Variants in RLN2 observed in about 807,000 individuals in gnomAD.
RLN2 encodes prorelaxin H2.
Under a neutral mutation model 7.3 loss-of-function variants are expected in RLN2, and 10 were observed. The observed-to-expected ratio is 1.36, with a 90% CI of 0.84 to 2.31. RLN2 has a LOEUF of 2.31. Among genes scored for constraint, RLN2 ranks in the 30% most tolerant of loss-of-function variants. The probability of loss-of-function intolerance (pLI) is 0.00; values close to 1 mark genes in which losing one functional copy is unlikely to be tolerated. For missense variants in RLN2, 298 were observed against 217.6 expected (o/e 1.37, Z -2.32); for synonymous variants, 103 against 82.3 (o/e 1.25, Z -1.36).
At chr9:5,322,399 ATAG>A in the RLN2 span, among the ~76,000 whole-genome samples, 1 of 152,054 alleles carries the variant, frequency 6.6e-6, no homozygotes, top group Non-Finnish European at 1.5e-5. Flanking sequence ...AAAGTATTTA[ATAG>A]TTACTGAACT....
chr9:5,317,612 T>C, the RLN2 span, among the ~76,000 whole-genome samples: 1 of 151,576 alleles, frequency 6.6e-6, no homozygotes, highest in African/African-American at 2.4e-5. Context: ...CAAAAGATGG[T>C]ATTAAATTGA....
the RLN2 span, among the ~76,000 whole-genome samples, chr9:5,337,695 C>T: frequency 6.6e-6 from 1 of 151,962 alleles, no homozygotes; most frequent in African/African-American, 2.4e-5. Context: ...TAACGGTAAA[C>T]ATTTATCTTA....
chr9:5,318,007 C>CGTGTGTGTGTGTGTGTGT, the RLN2 span, among the ~76,000 whole-genome samples: 3,388 of 148,032 alleles, frequency 0.023, 136 homozygotes, highest in African/African-American at 0.07. Flanking sequence ...TGTGTGTGTG[C>CGTGTGTGTGTGTGTGTGT]GTGTGTGTGT....
the RLN2 span, among the ~76,000 whole-genome samples, chr9:5,325,793 T>C: frequency 6.6e-6 from 1 of 152,108 alleles, no homozygotes; most frequent in Non-Finnish European, 1.5e-5. Flanking sequence ...ACAAGGGTTG[T>C]AGTTCTATAA....
chr9:5,311,800 C>T, the RLN2 span: 5 of 693,034 alleles, frequency 7.2e-6, no homozygotes, highest in African/African-American at 1.9e-5. Context: ...TATAAAAATG[C>T]AGAATTTTTT....
At chr9:5,324,609 G>A in the RLN2 span, among the ~76,000 whole-genome samples, 20 of 151,872 alleles carry the variant, frequency 1.3e-4, no homozygotes, top group Admixed American at 1.2e-3. Context: ...CAGATTCAAA[G>A]ATAACACAAA....
chr9:5,337,845 A>T, the RLN2 span, among the ~76,000 whole-genome samples: 1 of 152,082 alleles, frequency 6.6e-6, no homozygotes, highest in Non-Finnish European at 1.5e-5. Context: ...ATCTATATAC[A>T]AATGTGATTA....
At chr9:5,327,519 A>G in the RLN2 span, among the ~76,000 whole-genome samples, 14 of 152,050 alleles carry the variant, frequency 9.2e-5, no homozygotes, top group Admixed American at 2.6e-4. Context: ...GCAGACTTAA[A>G]CGTCCCTGTC....
At chr9:5,306,663 C>T (rs118079173), upstream of RLN2, among the ~76,000 whole-genome samples, 671 of 152,126 alleles carry the variant, frequency 4.4e-3, 4 homozygotes, top group Non-Finnish European at 6.7e-3. Flanking sequence ...ATAAATATGT[C>T]CATGCATACA....
chr9:5,320,511 CAGG>C, the RLN2 span, among the ~76,000 whole-genome samples: 1 of 151,668 alleles, frequency 6.6e-6, no homozygotes, highest in African/African-American at 2.4e-5. Flanking sequence ...GCTGGAACGA[CAGG>C]TGTGTACCAC....
upstream of RLN2, among the ~76,000 whole-genome samples, chr9:5,307,447 A>C (rs1043612368): frequency 4.6e-5 from 7 of 151,900 alleles, no homozygotes; most frequent in African/African-American, 1.7e-4. Flanking sequence ...CTAAGGATTG[A>C]AGTGATTATT....
At chr9:5,317,924 C>A in the RLN2 span, among the ~76,000 whole-genome samples, 3 of 151,496 alleles carry the variant, frequency 2.0e-5, no homozygotes, top group Non-Finnish European at 2.9e-5. Context: ...TCATCTATGC[C>A]AATGGGGTGG....
the RLN2 span, among the ~76,000 whole-genome samples, chr9:5,332,077 A>G: frequency 2.6e-5 from 4 of 152,008 alleles, no homozygotes; most frequent in African/African-American, 9.7e-5. Flanking sequence ...AATTTAGTGT[A>G]TACTCATATA....
chr9:5,306,109 GTTTTTT>G (rs199949652), upstream of RLN2, among the ~76,000 whole-genome samples: 1 of 131,510 alleles, frequency 7.6e-6, no homozygotes, highest in Non-Finnish European at 1.6e-5. Flanking sequence ...TTTGTTTTTT[GTTTTTT>G]TTTTTTTTTT....
the RLN2 span, among the ~76,000 whole-genome samples, chr9:5,317,232 G>A: frequency 6.6e-6 from 1 of 151,962 alleles, no homozygotes; most frequent in Non-Finnish European, 1.5e-5. Flanking sequence ...TACTTTGAAT[G>A]TAAATGGATT....
the RLN2 span, among the ~76,000 whole-genome samples, chr9:5,314,585 C>T: frequency 6.6e-6 from 1 of 152,034 alleles, no homozygotes; most frequent in South Asian, 2.1e-4. Context: ...ACTGACTGAG[C>T]TGGGTCACCT....
At chr9:5,312,527 A>T in the RLN2 span, among the ~76,000 whole-genome samples, 1 of 152,086 alleles carries the variant, frequency 6.6e-6, no homozygotes, top group Non-Finnish European at 1.5e-5. Context: ...CCTCACTTTA[A>T]ACTTTCCCTG....
the RLN2 span, among the ~76,000 whole-genome samples, chr9:5,333,285 A>G: frequency 6.6e-6 from 1 of 151,954 alleles, no homozygotes; most frequent in Non-Finnish European, 1.5e-5. Flanking sequence ...TACAACACTG[A>G]TAAAGAAGAA....
At chr9:5,327,238 T>C in the RLN2 span, among the ~76,000 whole-genome samples, 1 of 152,118 alleles carries the variant, frequency 6.6e-6, no homozygotes, top group Non-Finnish European at 1.5e-5. Context: ...GACCAGGAGA[T>C]ACCCTCCTTT....
Sources: gnomAD v4.1 joint callset for allele counts (sites outside exome capture counted in the v4.1 genomes callset) on GRCh38, gnomAD v4.1.1 for gene constraint, MANE v1.5 for transcripts, NCBI Gene and HGNC (gene_info 2026-07-23, HGNC 2026-07-21) for gene names.